CYP7B1: variants seen among roughly 807,000 people sequenced by gnomAD.
The protein encoded by CYP7B1 is cytochrome P450 7B1.
CYP7B1 carries 29 observed loss-of-function variants against 42.7 expected under a neutral mutation model. The ratio of observed to expected loss-of-function variants is 0.68; its 90% CI spans 0.51 to 0.93. The LOEUF is 0.93. Ranked by LOEUF, CYP7B1 falls within the 40% of genes least tolerant of loss-of-function variation. The pLI is 0.00. For missense variants in CYP7B1, 655 were observed against 600.5 expected (o/e 1.09, Z -0.95); for synonymous variants, 235 against 218.2 (o/e 1.08, Z -0.68).
At chr8:64,629,183 T>C (rs1805651744) in intron 1 of CYP7B1, among the ~76,000 whole-genome samples, 1 of 141,984 alleles carries the variant, frequency 7.0e-6, no homozygotes, top group Admixed American at 7.6e-5. Flanking sequence ...GCTGAGACTG[T>C]GCCATTGCAC....
At chr8:64,630,155 G>A (rs1805668563) in intron 1 of CYP7B1, among the ~76,000 whole-genome samples, 1 of 151,892 alleles carries the variant, frequency 6.6e-6, no homozygotes, top group Admixed American at 6.5e-5. Context: ...AAAGGAAGTG[G>A]GGGGAAAGAG....
chr8:64,738,800 G>C (rs940663281), intron 1 of CYP7B1, among the ~76,000 whole-genome samples: 2 of 152,186 alleles, frequency 1.3e-5, no homozygotes, highest in Non-Finnish European at 2.9e-5. Context: ...TGACAGCCAA[G>C]ATCAGTTTAC....
In CYP7B1 at chr8:64,699,076, T is replaced by C. The variant is rs80340708; in HGVS notation, c.123-74537A>G. ...GTATTAGAGATGATTGCAGGCCACA[T>C]AGTTCTTCTGACACTTTTAGACATT... On this transcript the variant is annotated intron_variant, in intron 1 of 5. Transcript: ENST00000310193. Among the ~76,000 whole-genome samples, 6 of 152,272 alleles carry C rather than the reference T, an allele frequency of 3.9e-5. No homozygotes were observed. The East Asian group carries it at 1.2e-3, about 29-fold the overall frequency.
At chr8:64,782,688 G>A (rs983315706) in intron 1 of CYP7B1, among the ~76,000 whole-genome samples, 2 of 152,136 alleles carry the variant, frequency 1.3e-5, no homozygotes, top group Non-Finnish European at 2.9e-5. Flanking sequence ...AACAGATGAA[G>A]TGTTTAAAAG....
chr8:64,689,034 A>G (rs1322882719), intron 1 of CYP7B1, among the ~76,000 whole-genome samples: 1 of 152,266 alleles, frequency 6.6e-6, no homozygotes, highest in East Asian at 1.9e-4. Context: ...CCTAGTGTTT[A>G]AATTAGCTGT....
At chr8:64,641,681 T>C (rs1003405986) in intron 1 of CYP7B1, among the ~76,000 whole-genome samples, 12 of 152,150 alleles carry the variant, frequency 7.9e-5, no homozygotes, top group African/African-American at 2.9e-4. Context: ...GTAGCCACTG[T>C]TTCTCCGGGT....
downstream of CYP7B1, among the ~76,000 whole-genome samples, chr8:64,587,286 C>G (rs1392495846): frequency 6.6e-6 from 1 of 152,270 alleles, no homozygotes; most frequent in African/African-American, 2.4e-5. Flanking sequence ...TCGGGATCCG[C>G]ATCCGAAGAG....
intron 1 of CYP7B1, among the ~76,000 whole-genome samples, chr8:64,658,065 C>A (rs1036058058): frequency 5.3e-5 from 8 of 152,122 alleles, no homozygotes; most frequent in Non-Finnish European, 1.0e-4. Context: ...TTCCTGGGGT[C>A]TCTTTTATGA....
At chr8:64,797,245 T>C (rs1804719135) in intron 1 of CYP7B1, among the ~76,000 whole-genome samples, 1 of 152,184 alleles carries the variant, frequency 6.6e-6, no homozygotes, top group African/African-American at 2.4e-5. Context: ...AGTCAGCTTG[T>C]CTGTTTCTAC....
At chr8:64,619,192 C>G (rs1805492867) in intron 2 of CYP7B1, among the ~76,000 whole-genome samples, 1 of 152,164 alleles carries the variant, frequency 6.6e-6, no homozygotes, top group East Asian at 1.9e-4. Context: ...TTTAATCAGA[C>G]AGTTAGGAAA....
intron 5 of CYP7B1, among the ~76,000 whole-genome samples, chr8:64,598,391 G>T (rs1324507283): frequency 6.6e-6 from 1 of 152,136 alleles, no homozygotes; most frequent in African/African-American, 2.4e-5. Context: ...GCTCAAGCCT[G>T]CTTGCCTGAG....
intron 1 of CYP7B1, among the ~76,000 whole-genome samples, chr8:64,691,256 A>G (rs1806736893): frequency 6.6e-6 from 1 of 152,202 alleles, no homozygotes; most frequent in Non-Finnish European, 1.5e-5. Flanking sequence ...TAGGTAGTAC[A>G]GTTTAGGGAC....
intron 1 of CYP7B1, among the ~76,000 whole-genome samples, chr8:64,742,250 T>A (rs555520881): frequency 1.3e-5 from 2 of 151,734 alleles, no homozygotes; most frequent in African/African-American, 4.9e-5. Flanking sequence ...CAATAGATAA[T>A]CTTTGAATAT....
intron 1 of CYP7B1, among the ~76,000 whole-genome samples, chr8:64,763,870 G>A (rs1029913442): frequency 3.3e-5 from 5 of 152,196 alleles, no homozygotes; most frequent in African/African-American, 1.2e-4. Flanking sequence ...CCTGGGTCCC[G>A]ACCATGACTT....
intron 1 of CYP7B1, among the ~76,000 whole-genome samples, chr8:64,754,467 C>A (rs1478832609): frequency 1.3e-5 from 2 of 152,120 alleles, no homozygotes; most frequent in Admixed American, 6.5e-5. Flanking sequence ...TAATCTATTA[C>A]ATTTAAAACA....
chr8:64,690,365 T>G (rs753496986), intron 1 of CYP7B1, among the ~76,000 whole-genome samples: 9 of 152,168 alleles, frequency 5.9e-5, no homozygotes, highest in Admixed American at 1.3e-4. Context: ...ATCGCACCAC[T>G]GCACTCCAGC....
chr8:64,712,288 T>A lies in CYP7B1; in HGVS notation c.122+86178A>T, dbSNP rs549156613. Among the ~76,000 whole-genome samples the A allele has an allele frequency of 3.9e-3, 590 of 151,652 alleles. 1 individual carries two copies. The highest frequency in any genetic ancestry group is 0.012 in the South Asian group (58 of 4,806). On this transcript the variant is annotated intron_variant, in intron 1 of 5. Coordinates refer to ENST00000310193, the MANE Select transcript of CYP7B1 (RefSeq NM_004820.5). The stretch of plus-strand genomic sequence containing the variant: ...CATCAGCAATCCTTTTTTTTTTTTT[T>A]AAAACAAAACACTTTACTGGAACTG...
chr8:64,650,761 T>G (rs1292320900), intron 1 of CYP7B1, among the ~76,000 whole-genome samples: 1 of 152,262 alleles, frequency 6.6e-6, no homozygotes, highest in Non-Finnish European at 1.5e-5. Context: ...GACATTTATT[T>G]TTTTAACTTG....
At chr8:64,765,946 G>C (rs1807967045) in intron 1 of CYP7B1, among the ~76,000 whole-genome samples, 1 of 152,172 alleles carries the variant, frequency 6.6e-6, no homozygotes, top group Non-Finnish European at 1.5e-5. Flanking sequence ...CCTTTTATCT[G>C]ACTTGGAGCC....
Sources: gnomAD v4.1 joint callset for allele counts (sites outside exome capture counted in the v4.1 genomes callset) on GRCh38, gnomAD v4.1.1 for gene constraint, MANE v1.5 for transcripts, NCBI Gene and HGNC (gene_info 2026-07-23, HGNC 2026-07-21) for gene names.